Variants in GMIP observed in about 807,000 individuals in gnomAD.
GMIP encodes GEM-interacting protein.
Under a neutral mutation model 105.3 loss-of-function variants are expected in GMIP, and 54 were observed. The observed-to-expected ratio is 0.51, with a 90% CI of 0.41 to 0.64. GMIP has a LOEUF of 0.64. Among genes scored for constraint, GMIP ranks in the 30% least tolerant of loss-of-function variants. The pLI, the probability that GMIP is intolerant of heterozygous loss-of-function variation, is 0.00. For synonymous variants in GMIP, 541 were observed against 560.8 expected (o/e 0.96, Z 0.50); for missense variants, 1,110 against 1,319.4 (o/e 0.84, Z 2.46).
intron 2 of GMIP, 34 bp from the exon 3 acceptor site, chr19:19,642,085 A>G: frequency 6.8e-7 from 1 of 1,463,108 alleles, no homozygotes; most frequent in Non-Finnish European, 9.5e-7. Context: ...ATGCCACCTT[A>G]CACCCAGTCT....
chr19:19,636,955 C>T lies in GMIP; in HGVS notation c.1199G>A (p.Gly400Asp), dbSNP rs376317252. The part of the protein sequence containing the change: ...PRLDENSAEP[G>D]PWEDPGTGWR... The stretch of plus-strand genomic sequence containing the variant: ...GCCTGTGCCCGGATCCTCCCAAGGG[C>T]CTGGCTCAGCTGAATTCTCATCCAG... The change falls in exon 12 of 21, where the codon GGC (glycine) becomes GAC (aspartate). Residue 400 changes from glycine (G) to aspartate (D), a missense_variant. Coordinates refer to ENST00000203556, the MANE Select transcript of GMIP (RefSeq NM_016573.4). 4 of 1,583,758 alleles carry T rather than the reference C, an allele frequency of 2.5e-6. No homozygotes were observed. The highest frequency in any genetic ancestry group is 4.6e-5 in the East Asian group (2 of 43,354).
At chr19:19,642,471 C>G in intron 2 of GMIP, 64 bp downstream of exon 2, 1 of 993,272 alleles carries the variant, frequency 1.0e-6, no homozygotes, top group South Asian at 1.3e-5. Flanking sequence ...CTGCAAGGCA[C>G]CTAAATGGTT....
At chr19:19,638,082 G>A (rs749751247) in intron 9 of GMIP, 25 bp from the exon 10 acceptor site, 4 of 1,547,020 alleles carry the variant, frequency 2.6e-6, no homozygotes, top group African/African-American at 1.4e-5. Flanking sequence ...GGCCAGGAGC[G>A]GGGTGGGGCG....
Position 19,634,573 on chromosome 19 carries a change from G to T in GMIP, c.2018C>A (p.Thr673Asn). Residue 673 changes from threonine (T) to asparagine (N), a missense_variant, in exon 18 of 21, where the codon ACC becomes AAC. Transcript: ENST00000203556. The surrounding 1 kb of genome is among the most constrained non-coding windows in gnomAD (Gnocchi z 6.1). ...AGAGTCAGGCAGCTGTACCAAGAGGGTCTTCAGCGAGCGGATAACCTCAGG... is the reference window on the plus strand; with the variant it reads ...AGAGTCAGGCAGCTGTACCAAGAGGTTCTTCAGCGAGCGGATAACCTCAGG... The part of the protein sequence containing the change: ...PSPEVIRSLK[T>N]LLVQLPDSNY... 6.2e-7 allele frequency: 1 copy of T among 1,613,592 alleles called. No individual in the cohort carries two copies. Among genetic ancestry groups the T allele is most frequent in the South Asian group, 1.1e-5 (1 of 91,064 alleles).
intron 7 of GMIP, among the ~76,000 whole-genome samples, chr19:19,639,317 G>T (rs570523882): frequency 4.2e-4 from 64 of 151,110 alleles, no homozygotes; most frequent in African/African-American, 1.3e-3. Context: ...CTGGGCTCAA[G>T]CAATCCTCCC....
At chr19:19,631,460 GA>G (rs1442027057) in intron 19 of GMIP, among the ~76,000 whole-genome samples, 1 of 152,138 alleles carries the variant, frequency 6.6e-6, no homozygotes, top group African/African-American at 2.4e-5. Flanking sequence ...ACACTGTCCC[GA>G]GCACTTTATG....
In GMIP at chr19:19,638,473, C is replaced by T; in HGVS notation, c.547G>A (p.Ala183Thr). ...QKRDYYQPLA[A>T]KRTEIEKWRK... ...CACTTCTCAATCTCAGTCCGTTTGG[C>T]GGCGAGGGGCTGGCAAGGGTTGGGG... is the stretch of plus-strand genomic sequence containing the variant. The change falls in exon 8 of 21, where the codon GCC becomes ACC. Residue 183 changes from alanine (A) to threonine (T), a missense_variant. Transcript: ENST00000203556. The T allele has an allele frequency of 1.2e-6, 2 of 1,613,802 alleles. No individual in the cohort carries two copies. The highest frequency in any genetic ancestry group is 1.1e-5 in the South Asian group (1 of 91,022).
chr19:19,631,699 G>C (rs867839232), intron 19 of GMIP, among the ~76,000 whole-genome samples: 2 of 152,280 alleles, frequency 1.3e-5, no homozygotes, highest in Middle Eastern at 3.4e-3. Flanking sequence ...AAGATTCTAC[G>C]CCAGGCGGCC....
intron 1 of GMIP, among the ~76,000 whole-genome samples, chr19:19,642,869 C>T (rs1206741639): frequency 6.6e-6 from 1 of 152,020 alleles, no homozygotes; most frequent in Non-Finnish European, 1.5e-5. Context: ...AGAAGCAAAC[C>T]AACAAAACAG....
intron 19 of GMIP, among the ~76,000 whole-genome samples, chr19:19,632,619 G>A (rs1247079561): frequency 1.3e-5 from 2 of 152,188 alleles, no homozygotes; most frequent in Non-Finnish European, 2.9e-5. Context: ...ATCTGTAAAT[G>A]ATTTTCATTA....
At position 19,640,151 on chromosome 19, in the gene GMIP, C is replaced by G; in HGVS notation, c.471G>C (p.Glu157Asp). 1 of 1,613,824 alleles carries G rather than the reference C, an allele frequency of 6.2e-7. No individual in the cohort carries two copies. Among genetic ancestry groups the G allele is most frequent in the Non-Finnish European group, 8.5e-7 (1 of 1,179,864 alleles). The change falls in exon 7 of 21, where the codon GAG (glutamate) becomes GAC (aspartate). Residue 157 changes from glutamate (E) to aspartate (D), a missense_variant. This residue lies in a region of GMIP where 667 missense variants were observed against 773.2 expected (regional missense o/e 0.86). Coordinates refer to ENST00000203556, the MANE Select transcript of GMIP (RefSeq NM_016573.4). ...CCAGGGTTCCCAGGCTGAGATCGTG[C>G]TCCAGAAACAGGGTGTAGATGTACT... The part of the protein sequence containing the change: ...PLQYIYTLFL[E>D]HDLSLGTLAM...
intron 19 of GMIP, among the ~76,000 whole-genome samples, chr19:19,633,250 G>A (rs956375840): frequency 6.6e-6 from 1 of 152,012 alleles, no homozygotes. Context: ...GTAGAGACAG[G>A]TTTCTCCTTA....
At chr19:19,639,814 A>T (rs1033200865) in intron 7 of GMIP, among the ~76,000 whole-genome samples, 1 of 152,170 alleles carries the variant, frequency 6.6e-6, no homozygotes, top group Non-Finnish European at 1.5e-5. Context: ...GCACCATTGC[A>T]CCCCAGCCTG....
rs755659044 is a variant in GMIP at position 19,635,843 on chromosome 19, C to T, written c.1328-122G>A. The T allele has an allele frequency of 2.5e-5, 20 of 799,078 alleles. No homozygotes were observed. Among genetic ancestry groups the T allele is most frequent in the Non-Finnish European group, 3.6e-5 (17 of 469,624 alleles). 49.5% of individuals were successfully genotyped at this position (799,078 alleles called of 1,614,324 possible). On this transcript the variant is annotated intron_variant, in intron 13 of 20. Coordinates refer to ENST00000203556, the MANE Select transcript of GMIP (RefSeq NM_016573.4). This position sits in a 1 kb window ranked among gnomAD's most constrained non-coding sequence, Gnocchi z 4.7. ...AGGTCAGGAGGGGGATTGGACAGGTCAGTGGTTAAGGGTTGGAGAATTGGG... is the reference window on the plus strand; with the variant it reads ...AGGTCAGGAGGGGGATTGGACAGGTTAGTGGTTAAGGGTTGGAGAATTGGG...
At chr19:19,640,389 T>C (rs780797809) in intron 5 of GMIP, 29 bp from the exon 6 acceptor site, 16 of 1,613,958 alleles carry the variant, frequency 9.9e-6, no homozygotes, top group Non-Finnish European at 1.3e-5. Flanking sequence ...GGGCTCTGGG[T>C]CTAGCTGGGG....
In GMIP at chr19:19,635,123, C is replaced by G. The variant is rs370305251; in HGVS notation, c.1651G>C (p.Val551Leu). 8.1e-6 allele frequency: 13 copies of G among 1,613,866 alleles called. No individual in the cohort carries two copies. The highest frequency in any genetic ancestry group is 1.1e-5 in the Non-Finnish European group (13 of 1,179,956). ...TCCCTGGGTAGCTGCAGGAAGTCAA[C>G]CCCAAAAAGGGGTGTCCGGGCTGGG... Reference protein sequence around the residue: ...RLPARTPLFGVDFLQLPRDFP... With the variant: ...RLPARTPLFGLDFLQLPRDFP... The change falls in exon 16 of 21, where the codon GTT becomes CTT. Residue 551 changes from valine to leucine, a missense_variant. This residue lies in a region of GMIP where 667 missense variants were observed against 773.2 expected (regional missense o/e 0.86). Coordinates refer to ENST00000203556, the MANE Select transcript of GMIP (RefSeq NM_016573.4). This position sits in a 1 kb window ranked among gnomAD's most constrained non-coding sequence, Gnocchi z 4.7.
At position 19,634,838 on chromosome 19, in the gene GMIP, T is replaced by C; in HGVS notation, c.1841A>G (p.Asn614Ser). The change falls in exon 17 of 21, where the codon AAC becomes AGC. Residue 614 changes from asparagine (N) to serine (S), a missense_variant. By Grantham distance (46) the Asn-to-Ser change is conservative (BLOSUM62 1). Around this residue, in one of 3 missense-constraint regions of GMIP, gnomAD observed 49 missense variants for 95.6 expected, o/e 0.51. Coordinates refer to ENST00000203556, the MANE Select transcript of GMIP (RefSeq NM_016573.4). This position sits in a 1 kb window ranked among gnomAD's most constrained non-coding sequence, Gnocchi z 6.1. ...GACACTCGAGACGTCATGAGGCGAG[T>C]TCCCCGACAGCTCCACCAACGCTCG... ...NGRALVELSG[N>S]SPHDVSSVLK... 1.2e-6 allele frequency: 2 copies of C among 1,613,574 alleles called. No homozygotes were observed. The highest frequency in any genetic ancestry group is 1.7e-6 in the Non-Finnish European group (2 of 1,179,954).
Position 19,636,904 on chromosome 19 carries a change from T to C in GMIP, c.1237+13A>G. ...TCCTGGCACCACTCCCACCTGGCCC[T>C]CATTGCACTCACCTTGCCAGCGCCA... is the stretch of plus-strand genomic sequence containing the variant. On this transcript the variant is annotated intron_variant, in intron 12 of 20. Transcript: ENST00000203556. 6.4e-7 allele frequency: 1 copy of C among 1,565,854 alleles called. No homozygotes were observed. Among genetic ancestry groups the C allele is most frequent in the Non-Finnish European group, 8.7e-7 (1 of 1,150,764 alleles).
chr19:19,637,786 T>G lies in GMIP; in HGVS notation c.927+134A>C. 1 of 1,009,882 alleles carries G rather than the reference T, an allele frequency of 9.9e-7. No individual in the cohort carries two copies. The highest frequency in any genetic ancestry group is 1.4e-6 in the Non-Finnish European group (1 of 692,040). The allele number at this position is 1,009,882 out of a possible 1,614,324, so 62.6% of individuals were successfully genotyped here. A position where few individuals can be genotyped will look rare whatever the true frequency, so the allele number is the denominator to read the frequency against. Reference sequence around the variant, plus strand: ...TGGGGCGGAGCCGAGACAGTGGGTCTGGGGGCGGGAACTGGCTGTCGAGGG... The same window carrying G: ...TGGGGCGGAGCCGAGACAGTGGGTCGGGGGGCGGGAACTGGCTGTCGAGGG... On this transcript the variant is annotated intron_variant, in intron 10 of 20. Coordinates refer to ENST00000203556, the MANE Select transcript of GMIP (RefSeq NM_016573.4). The surrounding 1 kb of genome is among the most constrained non-coding windows in gnomAD (Gnocchi z 6.7).
Sources: allele counts gnomAD v4.1 joint callset (sites outside exome capture counted in the v4.1 genomes callset), GRCh38; gene constraint gnomAD v4.1.1; regional missense constraint gnomAD v4.1.1; non-coding constraint Gnocchi (gnomAD v3.1); transcripts MANE v1.5; gene names NCBI Gene and HGNC (gene_info 2026-07-23, HGNC 2026-07-21).